Variants in ROBO1 observed in about 807,000 individuals in gnomAD.
ROBO1 encodes roundabout homolog 1.
A neutral mutation model predicts 195.9 loss-of-function variants in ROBO1; 149 were observed. That is an observed-to-expected ratio of 0.76 (90% confidence interval 0.67 to 0.87). The LOEUF (loss-of-function observed/expected upper bound fraction) is 0.87. Among genes scored for constraint, ROBO1 ranks in the 40% least tolerant of loss-of-function variants. The pLI is 0.00. For synonymous variants in ROBO1, 816 were observed against 733.2 expected (o/e 1.11, Z -1.82); for missense variants, 1,933 against 2,068.3 (o/e 0.93, Z 1.27).
At chr3:78,703,116 A>T (rs1289711271) in intron 8 of ROBO1, among the ~76,000 whole-genome samples, 1 of 152,198 alleles carries the variant, frequency 6.6e-6, no homozygotes, top group Non-Finnish European at 1.5e-5. Flanking sequence ...CCACACATTC[A>T]TCAGTCGTTA....
At chr3:79,497,477 T>C (rs185777888) in intron 2 of ROBO1, among the ~76,000 whole-genome samples, 2 of 152,326 alleles carry the variant, frequency 1.3e-5, no homozygotes, top group Non-Finnish European at 2.9e-5. Context: ...GGAAAAGTAT[T>C]GATTAATTGA....
chr3:79,550,976 AT>A (rs1942488310), intron 2 of ROBO1, among the ~76,000 whole-genome samples: 1 of 152,096 alleles, frequency 6.6e-6, no homozygotes, highest in Admixed American at 6.6e-5. Context: ...TGGGTTAGCT[AT>A]AAAAGAACCA....
At chr3:78,627,856 T>G (rs1016607735) in intron 25 of ROBO1, among the ~76,000 whole-genome samples, 1 of 152,160 alleles carries the variant, frequency 6.6e-6, no homozygotes, top group African/African-American at 2.4e-5. Context: ...CCAAATGTAT[T>G]TGGTATATTT....
intron 3 of ROBO1, among the ~76,000 whole-genome samples, chr3:79,025,166 A>G (rs899511557): frequency 9.2e-5 from 14 of 152,112 alleles, no homozygotes; most frequent in African/African-American, 3.4e-4. Flanking sequence ...CTCCTGCCTC[A>G]AGGAATTTAC....
chr3:78,974,838 A>G (rs958339656), intron 3 of ROBO1, among the ~76,000 whole-genome samples: 4 of 152,218 alleles, frequency 2.6e-5, no homozygotes, highest in Non-Finnish European at 5.9e-5. Flanking sequence ...ACAAGCAAAT[A>G]TTGTACCCCA....
At chr3:79,307,880 G>A (rs1199830147) in intron 2 of ROBO1, among the ~76,000 whole-genome samples, 1 of 151,962 alleles carries the variant, frequency 6.6e-6, no homozygotes, top group Non-Finnish European at 1.5e-5. Context: ...AAAAAAATAG[G>A]CATTATATAA....
At chr3:79,587,375 GT>G (rs1943861595) in intron 2 of ROBO1, among the ~76,000 whole-genome samples, 1 of 151,760 alleles carries the variant, frequency 6.6e-6, no homozygotes, top group Non-Finnish European at 1.5e-5. Context: ...TTGAGCCAAT[GT>G]TTTAATTGCT....
chr3:79,550,445 C>T (rs141380298), intron 2 of ROBO1, among the ~76,000 whole-genome samples: 7 of 152,166 alleles, frequency 4.6e-5, no homozygotes, highest in Non-Finnish European at 5.9e-5. Context: ...AAGGAGCATG[C>T]GATGCACTTT....
At chr3:78,927,236 A>G (rs1327973414) in intron 4 of ROBO1, among the ~76,000 whole-genome samples, 1 of 152,188 alleles carries the variant, frequency 6.6e-6, no homozygotes, top group Non-Finnish European at 1.5e-5. Context: ...ACAGAACAAA[A>G]CATTCCTGGA....
chr3:79,379,436 A>C (rs780660275), intron 2 of ROBO1, among the ~76,000 whole-genome samples: 6 of 152,156 alleles, frequency 3.9e-5, no homozygotes, highest in African/African-American at 1.2e-4. Context: ...AATGTCCATG[A>C]GTTCATCATG....
intron 3 of ROBO1, among the ~76,000 whole-genome samples, chr3:78,992,212 G>A (rs2108064865): frequency 6.6e-6 from 1 of 152,282 alleles, no homozygotes; most frequent in South Asian, 2.1e-4. Flanking sequence ...GGCATCCATG[G>A]CTACCCAACA....
intron 2 of ROBO1, among the ~76,000 whole-genome samples, chr3:79,222,028 T>A (rs1396105375): frequency 1.3e-5 from 2 of 152,062 alleles, no homozygotes; most frequent in African/African-American, 4.8e-5. Flanking sequence ...GTGTGGCAAG[T>A]ATTTCTTAAA....
chr3:79,290,988 T>C (rs2032208422), intron 2 of ROBO1, among the ~76,000 whole-genome samples: 2 of 152,178 alleles, frequency 1.3e-5, no homozygotes, highest in Non-Finnish European at 2.9e-5. Context: ...GTGAAAAGAA[T>C]ATTATAAACC....
At chr3:78,660,963 A>G (rs750704250) in intron 16 of ROBO1, 67 bp downstream of exon 16, 6 of 1,052,134 alleles carry the variant, frequency 5.7e-6, no homozygotes, top group Non-Finnish European at 6.9e-6. Context: ...AACAATTTAA[A>G]TTAAGCTAAT....
Position 79,435,178 on chromosome 3 carries a change from G to A in ROBO1, c.88+154646C>T, listed in dbSNP as rs554388898. On this transcript the variant is annotated intron_variant, in intron 2 of 30. Coordinates refer to ENST00000464233, the MANE Select transcript of ROBO1 (RefSeq NM_002941.4). Reference sequence around the variant, plus strand: ...GTATACATATGTAACAAACCTGCACGTTGTGCACATGTACCCTAGAACTTA... The same window carrying A: ...GTATACATATGTAACAAACCTGCACATTGTGCACATGTACCCTAGAACTTA... Among the ~76,000 whole-genome samples the A allele has an allele frequency of 3.6e-4, 55 of 152,168 alleles. 1 individual carries two copies. The South Asian group carries it at 7.1e-3, about 20-fold the overall frequency.
chr3:79,431,528 T>G (rs1050164340), intron 2 of ROBO1, among the ~76,000 whole-genome samples: 3 of 152,082 alleles, frequency 2.0e-5, no homozygotes, highest in Non-Finnish European at 4.4e-5. Context: ...TAATGCAGAC[T>G]TTTCAAAAGA....
At chr3:78,780,688 G>A (rs893611794) in intron 4 of ROBO1, among the ~76,000 whole-genome samples, 2 of 152,210 alleles carry the variant, frequency 1.3e-5, no homozygotes, top group East Asian at 3.9e-4. Flanking sequence ...CTTTGTATGA[G>A]TTGATTGTTG....
intron 2 of ROBO1, among the ~76,000 whole-genome samples, chr3:79,317,449 ATTAC>A (rs2033786516): frequency 6.6e-6 from 1 of 152,138 alleles, no homozygotes; most frequent in Non-Finnish European, 1.5e-5. Flanking sequence ...ACATTACAAA[ATTAC>A]TTACCTAAAA....
At chr3:78,636,850 A>G (rs891154678) in intron 22 of ROBO1, among the ~76,000 whole-genome samples, 4 of 149,284 alleles carry the variant, frequency 2.7e-5, no homozygotes, top group African/African-American at 9.8e-5. Context: ...AATATCTAAT[A>G]TCTCATTTCC....
Sources: allele counts gnomAD v4.1 joint callset (sites outside exome capture counted in the v4.1 genomes callset), GRCh38; gene constraint gnomAD v4.1.1; transcripts MANE v1.5; gene names NCBI Gene and HGNC (gene_info 2026-07-23, HGNC 2026-07-21).